LIPC: variants seen among roughly 807,000 people sequenced by gnomAD.
LIPC encodes lipase C, hepatic type.
In LIPC, 44 loss-of-function variants were observed where a neutral mutation model predicts 50.7. That is an observed-to-expected ratio of 0.87 (90% confidence interval 0.68 to 1.11). The LOEUF (loss-of-function observed/expected upper bound fraction) is 1.11. Ranked by LOEUF, LIPC falls within the 50% of genes most tolerant of loss-of-function variation. The pLI is 0.00. For missense variants in LIPC, 697 were observed against 648.2 expected, an observed-to-expected ratio of 1.08 and a Z score of -0.82; for synonymous variants, 271 against 256.4, an observed-to-expected ratio of 1.06 and a Z score of -0.54.
At chr15:58,439,218 GGAA>G (rs1362869153) in intron 1 of LIPC, among the ~76,000 whole-genome samples, 1 of 152,162 alleles carries the variant, frequency 6.6e-6, no homozygotes, top group Non-Finnish European at 1.5e-5. Flanking sequence ...AAAAAATGCT[GGAA>G]GAAGATGCAT....
At chr15:58,507,781 A>G (rs1287544618) in intron 1 of LIPC, among the ~76,000 whole-genome samples, 1 of 152,246 alleles carries the variant, frequency 6.6e-6, no homozygotes, top group Non-Finnish European at 1.5e-5. Flanking sequence ...ATACGAATTT[A>G]TTTTAACATG....
At chr15:58,453,871 A>C (rs1476072085) in intron 1 of LIPC, among the ~76,000 whole-genome samples, 1 of 151,954 alleles carries the variant, frequency 6.6e-6, no homozygotes, top group Non-Finnish European at 1.5e-5. Flanking sequence ...TGTCTCAAAA[A>C]AAAAAAAGAA....
intron 1 of LIPC, among the ~76,000 whole-genome samples, chr15:58,496,743 C>CAAAAAAAAAAAA (rs10716717): frequency 1.4e-4 from 16 of 114,168 alleles, no homozygotes; most frequent in African/African-American, 2.7e-4. Context: ...TCTTCCCCCT[C>CAAAAAAAAAAAA]AAAAAAAAAA....
intron 7 of LIPC, among the ~76,000 whole-genome samples, 195 bp downstream of exon 7, chr15:58,561,176 C>A (rs1156618468): frequency 6.6e-6 from 1 of 152,216 alleles, no homozygotes; most frequent in African/African-American, 2.4e-5. Context: ...GTGACACAGC[C>A]TCAGGAGGTC....
chr15:58,464,987 AGGG>A (rs1405923045), intron 1 of LIPC, among the ~76,000 whole-genome samples: 1 of 152,242 alleles, frequency 6.6e-6, no homozygotes, highest in East Asian at 1.9e-4. Context: ...ATGGGGAGCG[AGGG>A]GGGAGCCCAC....
intron 1 of LIPC, among the ~76,000 whole-genome samples, chr15:58,488,810 A>C (rs1290087364): frequency 1.3e-5 from 2 of 152,106 alleles, no homozygotes; most frequent in African/African-American, 4.8e-5. Flanking sequence ...CACTCCCATA[A>C]AGGGCCATAC....
intron 1 of LIPC, among the ~76,000 whole-genome samples, chr15:58,479,990 G>A (rs1483114537): frequency 2.0e-5 from 3 of 152,192 alleles, no homozygotes; most frequent in Non-Finnish European, 4.4e-5. Flanking sequence ...CCTAAGACAA[G>A]GCCTGGCCCA....
Position 58,432,207 on chromosome 15 carries a change from A to G in LIPC, c.88+87A>G, listed in dbSNP as rs34791191. ...AAAGAATCCAGGGGTTTCTGACTGT[A>G]TGGGACAGAGCTTGCTTCAGAGCGT... On this transcript the variant is annotated intron_variant, in intron 1 of 8. Coordinates refer to ENST00000299022, the MANE Select transcript of LIPC (RefSeq NM_000236.3). 16 of 1,016,294 alleles carry G rather than the reference A, an allele frequency of 1.6e-5. No individual in the cohort carries two copies. The East Asian group carries it at 3.3e-4, about 21-fold the overall frequency. 63.0% of individuals were successfully genotyped at this position (1,016,294 alleles called of 1,614,324 possible).
intron 1 of LIPC, among the ~76,000 whole-genome samples, chr15:58,450,115 A>G (rs1248359677): frequency 2.0e-5 from 3 of 151,830 alleles, no homozygotes; most frequent in African/African-American, 7.3e-5. Flanking sequence ...AAGAGTCAAG[A>G]CCCCCAAGGA....
chr15:58,483,992 C>T (rs1025454496), intron 1 of LIPC, among the ~76,000 whole-genome samples: 17 of 152,138 alleles, frequency 1.1e-4, no homozygotes, highest in African/African-American at 4.1e-4. Flanking sequence ...TTCTTGGGGA[C>T]TGAGCTGTTT....
intron 1 of LIPC, among the ~76,000 whole-genome samples, chr15:58,441,553 C>G (rs16940308): frequency 0.074 from 11,219 of 152,206 alleles, 407 homozygotes; most frequent in Middle Eastern, 0.13. Flanking sequence ...ATGGGGAACA[C>G]AGCTGACATC....
chr15:58,546,961 C>G (rs1893552630), intron 5 of LIPC, among the ~76,000 whole-genome samples: 1 of 151,574 alleles, frequency 6.6e-6, no homozygotes, highest in Admixed American at 6.6e-5. Flanking sequence ...ACTCCAACAC[C>G]TCCCCTCCAG....
chr15:58,435,767 C>T (rs1893275522), intron 1 of LIPC: 2 of 152,138 alleles, frequency 1.3e-5, no homozygotes, highest in African/African-American at 4.8e-5. Context: ...AAACATTAGC[C>T]AGGCTTGGTC....
In LIPC at chr15:58,538,396, G is replaced by C; in HGVS notation, c.152G>C (p.Arg51Thr). The change falls in exon 2 of 9, where the codon AGA becomes ACA. Residue 51 changes from arginine (R) to threonine (T), a missense_variant. Physicochemically the swap from Arg to Thr is moderately conservative, Grantham distance 71. Transcript: ENST00000299022. ...TNKTLHEMKT[R>T]FLLFGETNQG... ...AAAACGCTGCATGAGATGAAGACCAGATTCCTGCTCTTTGGAGAAACCAAT... is the reference window on the plus strand; with the variant it reads ...AAAACGCTGCATGAGATGAAGACCACATTCCTGCTCTTTGGAGAAACCAAT... The C allele has an allele frequency of 6.2e-7, 1 of 1,614,180 alleles. No individual in the cohort carries two copies. The highest frequency in any genetic ancestry group is 8.5e-7 in the Non-Finnish European group (1 of 1,180,018).
At chr15:58,527,779 G>T (rs1243833613) in intron 1 of LIPC, among the ~76,000 whole-genome samples, 9 of 151,922 alleles carry the variant, frequency 5.9e-5, no homozygotes, top group Non-Finnish European at 1.2e-4. Flanking sequence ...GTGGTTGAAT[G>T]AATAAATGAA....
chr15:58,460,380 G>A (rs1894298788), intron 1 of LIPC, among the ~76,000 whole-genome samples: 1 of 152,236 alleles, frequency 6.6e-6, no homozygotes, highest in African/African-American at 2.4e-5. Flanking sequence ...AAAAGGAAAG[G>A]TGAAGGCTGG....
At chr15:58,533,714 T>C (rs1240656196) in intron 1 of LIPC, among the ~76,000 whole-genome samples, 5 of 152,266 alleles carry the variant, frequency 3.3e-5, no homozygotes, top group African/African-American at 7.2e-5. Context: ...TTATACACAC[T>C]GTAAATAAGA....
At chr15:58,498,173 T>A (rs1047548616) in intron 1 of LIPC, among the ~76,000 whole-genome samples, 2 of 152,146 alleles carry the variant, frequency 1.3e-5, no homozygotes, top group South Asian at 4.1e-4. Context: ...CTTTCCTAAT[T>A]CTTCCTCTAC....
intron 1 of LIPC, among the ~76,000 whole-genome samples, chr15:58,470,177 C>T (rs1444851986): frequency 6.6e-6 from 1 of 152,140 alleles, no homozygotes; most frequent in Non-Finnish European, 1.5e-5. Context: ...AACAGTGCTT[C>T]GGGTTCAGCC....
Sources: allele counts gnomAD v4.1 joint callset (sites outside exome capture counted in the v4.1 genomes callset), GRCh38; gene constraint gnomAD v4.1.1; transcripts MANE v1.5; gene names NCBI Gene and HGNC (gene_info 2026-07-23, HGNC 2026-07-21).